Variants in CYP7B1 observed in about 807,000 individuals in gnomAD.
The protein encoded by CYP7B1 is cytochrome P450 7B1.
In CYP7B1, 29 loss-of-function variants were observed where a neutral mutation model predicts 42.7. That is an observed-to-expected ratio of 0.68 (90% CI 0.51 to 0.93). The LOEUF (loss-of-function observed/expected upper bound fraction) is 0.93. Among genes scored for constraint, CYP7B1 ranks in the 40% least tolerant of loss-of-function variants. The probability of loss-of-function intolerance (pLI) is 0.00; values close to 1 mark genes in which losing one functional copy is unlikely to be tolerated. For missense variants in CYP7B1, 655 were observed against 600.5 expected (o/e 1.09, Z -0.95); for synonymous variants, 235 against 218.2 (o/e 1.08, Z -0.68).
At chr8:64,670,230 G>A (rs1328319275) in intron 1 of CYP7B1, among the ~76,000 whole-genome samples, 1 of 152,190 alleles carries the variant, frequency 6.6e-6, no homozygotes, top group Admixed American at 6.5e-5. Flanking sequence ...ACAGCCAGCA[G>A]TAGAGCCAAA....
At chr8:64,739,539 T>C (rs1036364021) in intron 1 of CYP7B1, among the ~76,000 whole-genome samples, 2 of 152,064 alleles carry the variant, frequency 1.3e-5, no homozygotes, top group African/African-American at 4.8e-5. Context: ...CCTCAAAGAA[T>C]GAAGAAAACA....
intron 1 of CYP7B1, among the ~76,000 whole-genome samples, chr8:64,661,201 C>T (rs11777741): frequency 0.069 from 10,481 of 152,244 alleles, 486 homozygotes; most frequent in Non-Finnish European, 0.1. Context: ...CTGTAATTTG[C>T]ACATATTCTC....
At chr8:64,766,395 G>A (rs553927281) in intron 1 of CYP7B1, among the ~76,000 whole-genome samples, 2 of 151,942 alleles carry the variant, frequency 1.3e-5, no homozygotes, top group East Asian at 3.9e-4. Flanking sequence ...GCCGACATTA[G>A]AAAAAACTTC....
At chr8:64,793,179 C>T (rs955537686) in intron 1 of CYP7B1, among the ~76,000 whole-genome samples, 3 of 152,132 alleles carry the variant, frequency 2.0e-5, no homozygotes, top group Admixed American at 6.6e-5. Context: ...GTCTCACATC[C>T]AGAATTGTAA....
intron 1 of CYP7B1, among the ~76,000 whole-genome samples, chr8:64,747,268 A>T (rs1380995869): frequency 6.7e-6 from 1 of 148,208 alleles, no homozygotes; most frequent in Non-Finnish European, 1.5e-5. Context: ...TATAAGTCAT[A>T]TAGTATATTT....
rs925332247 is a variant in CYP7B1, at chr8:64,766,632, C to T, written c.122+31834G>A. Among the ~76,000 whole-genome samples the T allele has an allele frequency of 3.9e-5, 6 of 152,098 alleles. No individual in the cohort carries two copies. In the East Asian group the frequency reaches 1.2e-3, roughly 29 times the overall value. On this transcript the variant is annotated intron_variant, in intron 1 of 5. Coordinates refer to ENST00000310193, the MANE Select transcript of CYP7B1 (RefSeq NM_004820.5). ...TGCCTAATAGGGCTTGCTTCCAGTGCGGTCTACAAGGACACTTTAAAAAAG... is the reference window on the plus strand; with the variant it reads ...TGCCTAATAGGGCTTGCTTCCAGTGTGGTCTACAAGGACACTTTAAAAAAG...
At chr8:64,607,672 T>G (rs1458739705) in intron 4 of CYP7B1, among the ~76,000 whole-genome samples, 3 of 152,164 alleles carry the variant, frequency 2.0e-5, no homozygotes, top group Non-Finnish European at 4.4e-5. Flanking sequence ...CTGTCAATCA[T>G]CCAGCCAAAA....
In CYP7B1 at chr8:64,739,416, C is replaced by T. The variant is rs181122878; in HGVS notation, c.122+59050G>A. On this transcript the variant is annotated intron_variant, in intron 1 of 5. Coordinates refer to ENST00000310193, the MANE Select transcript of CYP7B1 (RefSeq NM_004820.5). ...TCAAGGACAAAAGTGGAGACAAAAA[C>T]GAGAACACTAGAGGAAGTTGAGGCC... Among the ~76,000 whole-genome samples the T allele has an allele frequency of 1.1e-4, 17 of 152,272 alleles. No individual in the cohort carries two copies. In the East Asian group the frequency reaches 2.9e-3, roughly 26 times the overall value.
intron 1 of CYP7B1, among the ~76,000 whole-genome samples, chr8:64,788,242 G>A (rs1409149103): frequency 6.6e-6 from 1 of 152,202 alleles, no homozygotes; most frequent in East Asian, 1.9e-4. Context: ...CTAACACAAG[G>A]TGTTAATAGT....
intron 1 of CYP7B1, among the ~76,000 whole-genome samples, chr8:64,733,731 G>C (rs1425526242): frequency 6.6e-6 from 1 of 152,158 alleles, no homozygotes; most frequent in Admixed American, 6.5e-5. Context: ...AGCTGCCTGG[G>C]AGGCTGAGGC....
chr8:64,682,654 C>T (rs1806556753), intron 1 of CYP7B1, among the ~76,000 whole-genome samples: 1 of 152,170 alleles, frequency 6.6e-6, no homozygotes. Context: ...CACTGAAAAG[C>T]CTCAGAACTC....
chr8:64,742,281 T>C (rs1018480272), intron 1 of CYP7B1, among the ~76,000 whole-genome samples: 4 of 152,128 alleles, frequency 2.6e-5, no homozygotes, highest in East Asian at 1.9e-4. Context: ...CCAAGTGTAA[T>C]AGAATGCTAA....
At chr8:64,677,130 A>C (rs1806457933) in intron 1 of CYP7B1, among the ~76,000 whole-genome samples, 1 of 152,126 alleles carries the variant, frequency 6.6e-6, no homozygotes, top group Non-Finnish European at 1.5e-5. Context: ...TATAAGCCTA[A>C]TAGTCATACA....
intron 1 of CYP7B1, among the ~76,000 whole-genome samples, chr8:64,653,805 C>T (rs1344509134): frequency 6.6e-6 from 1 of 152,136 alleles, no homozygotes; most frequent in Non-Finnish European, 1.5e-5. Context: ...TATACCATGA[C>T]CAAGTGGTCT....
At chr8:64,611,825 A>G (rs901845051) in intron 4 of CYP7B1, among the ~76,000 whole-genome samples, 1 of 152,116 alleles carries the variant, frequency 6.6e-6, no homozygotes, top group African/African-American at 2.4e-5. Flanking sequence ...GAGTCATCGA[A>G]AGAGCGCTCC....
intron 1 of CYP7B1, among the ~76,000 whole-genome samples, chr8:64,684,596 C>T (rs1806591720): frequency 6.6e-6 from 1 of 152,178 alleles, no homozygotes; most frequent in Admixed American, 6.5e-5. Flanking sequence ...AGGTCACAAT[C>T]AGCATTTCAA....
chr8:64,745,966 T>C (rs575181669), intron 1 of CYP7B1, among the ~76,000 whole-genome samples: 5 of 152,314 alleles, frequency 3.3e-5, no homozygotes, highest in Admixed American at 1.3e-4. Context: ...TCAGCATTCA[T>C]GGCCAGTTTA....
At chr8:64,657,074 G>A (rs984265653) in intron 1 of CYP7B1, among the ~76,000 whole-genome samples, 3 of 151,824 alleles carry the variant, frequency 2.0e-5, no homozygotes, top group Non-Finnish European at 4.4e-5. Context: ...AAAAAGCAGT[G>A]TGAAAAACAA....
At chr8:64,687,567 T>C (rs1047819593) in intron 1 of CYP7B1, among the ~76,000 whole-genome samples, 5 of 152,212 alleles carry the variant, frequency 3.3e-5, no homozygotes, top group African/African-American at 1.2e-4. Flanking sequence ...GTGTGAATTA[T>C]ATCTCAATTA....
Sources: gnomAD v4.1 joint callset for allele counts (sites outside exome capture counted in the v4.1 genomes callset) on GRCh38, gnomAD v4.1.1 for gene constraint, MANE v1.5 for transcripts, NCBI Gene and HGNC (gene_info 2026-07-23, HGNC 2026-07-21) for gene names.